The following RGS12 variants were observed in gnomAD, a reference collection of about 807,000 sequenced individuals.
RGS12 encodes the protein regulator of G protein signaling 12.
In RGS12, 66 loss-of-function variants were observed where a neutral mutation model predicts 120.1. The observed-to-expected ratio is 0.55, with a 90% CI of 0.45 to 0.67. The LOEUF is 0.67. RGS12 is among the 30% of genes least tolerant of loss of function. The pLI is 0.00. For synonymous variants in RGS12, 827 were observed against 804.7 expected, an observed-to-expected ratio of 1.03 and a Z score of -0.47; for missense variants, 1,859 against 1,957.7, an observed-to-expected ratio of 0.95 and a Z score of 0.95.
chr4:3,361,471 A>G (rs1428817089), intron 3 of RGS12, among the ~76,000 whole-genome samples: 1 of 152,122 alleles, frequency 6.6e-6, no homozygotes. Context: ...AGGCTGTGTT[A>G]GCGTCTGGGA....
intron 1 of RGS12, among the ~76,000 whole-genome samples, chr4:3,299,975 C>T (rs1201405998): frequency 6.6e-6 from 1 of 152,340 alleles, no homozygotes; most frequent in Non-Finnish European, 1.5e-5. Flanking sequence ...GCTGCTGTTC[C>T]GCGGTCTTCA....
chr4:3,394,790 C>T (rs1382274397), intron 4 of RGS12, among the ~76,000 whole-genome samples: 1 of 152,184 alleles, frequency 6.6e-6, no homozygotes, highest in Non-Finnish European at 1.5e-5. Flanking sequence ...TTACCAGCAG[C>T]CCAAGCGCCC....
intron 3 of RGS12, among the ~76,000 whole-genome samples, chr4:3,357,227 G>A (rs1413128717): frequency 6.6e-6 from 1 of 152,030 alleles, no homozygotes; most frequent in East Asian, 1.9e-4. Context: ...TAATTGGATT[G>A]TTTGTTTTTG....
intron 1 of RGS12, among the ~76,000 whole-genome samples, chr4:3,304,974 G>A (rs929145194): frequency 6.6e-6 from 1 of 152,234 alleles, no homozygotes; most frequent in African/African-American, 2.4e-5. Context: ...GTGCGATGAG[G>A]ATTCGTTTCC....
At chr4:3,370,376 C>CA in intron 3 of RGS12, 1 of 1,532,608 alleles carries the variant, frequency 6.5e-7, no homozygotes, top group East Asian at 2.3e-5. Context: ...AAGCGTGGCA[C>CA]CCTGGCTATC....
At chr4:3,438,307 C>T (rs1428253718) in intron 17 of RGS12, among the ~76,000 whole-genome samples, 2 of 152,064 alleles carry the variant, frequency 1.3e-5, no homozygotes, top group African/African-American at 2.4e-5. Context: ...ACGCTAGGTA[C>T]GCAGGAACCT....
At chr4:3,327,642 A>G (rs1428811846) in intron 2 of RGS12, among the ~76,000 whole-genome samples, 2 of 152,258 alleles carry the variant, frequency 1.3e-5, no homozygotes, top group African/African-American at 4.8e-5. Flanking sequence ...AAAAGAAGAT[A>G]TACAAACGTT....
upstream of RGS12, among the ~76,000 whole-genome samples, chr4:3,292,079 G>A (rs1409468418): frequency 1.3e-5 from 2 of 152,232 alleles, no homozygotes; most frequent in Non-Finnish European, 2.9e-5. Flanking sequence ...CCCTGGGCGG[G>A]CGGCAGGGCT....
At chr4:3,401,514 G>T (rs1199369193) in intron 4 of RGS12, among the ~76,000 whole-genome samples, 1 of 152,244 alleles carries the variant, frequency 6.6e-6, no homozygotes, top group African/African-American at 2.4e-5. Flanking sequence ...GGAAAGTTAA[G>T]TAACTCGTAA....
rs538046744 is a variant in RGS12 at position 3,370,397 on chromosome 4, G to A, written c.1999-16019G>A. On this transcript the variant is annotated intron_variant, in intron 3 of 17. Transcript: ENST00000336727. Reference sequence around the variant, plus strand: ...GGCACCCTGGCTATCCTGTTTTAGCGAGTGGCAGCTGTGGGACCTGCAAAT... The same window carrying A: ...GGCACCCTGGCTATCCTGTTTTAGCAAGTGGCAGCTGTGGGACCTGCAAAT... 1.1e-5 allele frequency: 16 copies of A among 1,405,970 alleles called. No individual in the cohort carries two copies. In the East Asian group the frequency reaches 3.4e-4, roughly 30 times the overall value. The allele number at this position is 1,405,970 out of a possible 1,614,324, so 87.1% of individuals were successfully genotyped here.
Position 3,309,803 on chromosome 4 carries a change from T to A in RGS12, c.-101-6267T>A, listed in dbSNP as rs1187475550. 1.1e-3 allele frequency among the ~76,000 whole-genome samples: 116 copies of A among 104,276 alleles called. 2 individuals are homozygous for A. The highest frequency in any genetic ancestry group is 0.017 in the Middle Eastern group (2 of 120). The allele number at this position is 104,276 out of a possible 152,430, so 68.4% of individuals were successfully genotyped here. ...AGGTGTCTGCTGAGGGGAACCGTGT[T>A]GAGGAGGAGCTGGGACTTGGGAATG... On this transcript the variant is annotated intron_variant, in intron 1 of 17. Transcript: ENST00000336727.
chr4:3,371,629 A>T (rs1183438419), intron 3 of RGS12, among the ~76,000 whole-genome samples: 1 of 152,170 alleles, frequency 6.6e-6, no homozygotes. Context: ...CAGGCATCAG[A>T]AGTGAGCGGC....
chr4:3,314,629 C>T (rs1336505926), intron 1 of RGS12: 2 of 152,270 alleles, frequency 1.3e-5, no homozygotes, highest in African/African-American at 4.8e-5. Context: ...TGGTCTTGAT[C>T]TCCTGACCTC....
At chr4:3,328,814 T>A (rs1325303076) in intron 2 of RGS12, among the ~76,000 whole-genome samples, 1 of 152,196 alleles carries the variant, frequency 6.6e-6, no homozygotes, top group Non-Finnish European at 1.5e-5. Context: ...AGAAAACTTT[T>A]GACCTGGCTG....
intron 3 of RGS12, chr4:3,369,858 A>G (rs1716779906): frequency 8.6e-6 from 2 of 233,008 alleles, no homozygotes; most frequent in Non-Finnish European, 7.2e-6. Context: ...CCACCCAGTA[A>G]GCTGGTGCAT....
intron 4 of RGS12, among the ~76,000 whole-genome samples, 181 bp downstream of exon 4, chr4:3,386,618 C>T (rs186307540): frequency 2.0e-5 from 3 of 152,206 alleles, no homozygotes; most frequent in South Asian, 2.1e-4. Flanking sequence ...CAGGTGGCCT[C>T]GGCGTGTGTT....
In RGS12 at chr4:3,312,144, C is replaced by T. The variant is rs185200445; in HGVS notation, c.-101-3926C>T. On this transcript the variant is annotated intron_variant, in intron 1 of 17. Transcript: ENST00000336727. ...GAGCAGGCGTTCTTACTGGTAGCCC[C>T]GATGGTGTAATGGAAGTTCAGCTGG... Among the ~76,000 whole-genome samples, 352 of 152,182 alleles carry T rather than the reference C, an allele frequency of 2.3e-3. 2 individuals are homozygous for T. The highest frequency in any genetic ancestry group is 8.0e-3 in the African/African-American group (333 of 41,512).
rs1017723487 is a variant in RGS12, at chr4:3,295,208, G to C, written c.-102+2109G>C. 3.3e-5 allele frequency among the ~76,000 whole-genome samples: 5 copies of C among 152,316 alleles called. No homozygotes were observed. In the South Asian group the frequency reaches 1.0e-3, roughly 32 times the overall value. On this transcript the variant is annotated intron_variant, in intron 1 of 17. Transcript: ENST00000336727. The stretch of plus-strand genomic sequence containing the variant: ...GCCGGCCTGGCTGCTGCTGTGGGAA[G>C]GTCGGGGGTAGAGGAGATGGAGGAC...
At position 3,372,465 on chromosome 4, in the gene RGS12, C is replaced by T. The variant is rs974671714; in HGVS notation, c.1999-13951C>T. On this transcript the variant is annotated intron_variant, in intron 3 of 17. Coordinates refer to ENST00000336727, the MANE Select transcript of RGS12 (RefSeq NM_001394154.1). This position sits in a 1 kb window ranked among gnomAD's most constrained non-coding sequence, Gnocchi z 4.3. ...GGCTGGACAAGCATGACAGTTGTCG[C>T]GGAGCCGCCCGAGCTGTTGGCTTCC... is the stretch of plus-strand genomic sequence containing the variant. 5.9e-5 allele frequency among the ~76,000 whole-genome samples: 9 copies of T among 152,232 alleles called. No individual in the cohort carries two copies. Among genetic ancestry groups the T allele is most frequent in the African/African-American group, 9.6e-5 (4 of 41,458 alleles).
Sources: gnomAD v4.1 joint callset for allele counts (sites outside exome capture counted in the v4.1 genomes callset) on GRCh38, gnomAD v4.1.1 for gene constraint, Gnocchi (gnomAD v3.1) non-coding constraint, MANE v1.5 for transcripts, NCBI Gene and HGNC (gene_info 2026-07-23, HGNC 2026-07-21) for gene names.